KLHDC4: variants seen among roughly 807,000 people sequenced by gnomAD.
KLHDC4 encodes the protein kelch domain containing 4, also known as kelch domain-containing protein 4.
KLHDC4 carries 90 observed loss-of-function variants against 62.4 expected under a neutral mutation model. That is an observed-to-expected ratio of 1.44 (90% CI 1.22 to 1.72). The LOEUF (loss-of-function observed/expected upper bound fraction) is 1.72, where lower values mean the gene tolerates loss of function less well. KLHDC4 is among the 40% of genes most tolerant of loss of function. The pLI, the probability that KLHDC4 is intolerant of heterozygous loss-of-function variation, is 0.00. For synonymous variants in KLHDC4, 386 were observed against 284.4 expected, an observed-to-expected ratio of 1.36 and a Z score of -3.59; for missense variants, 1,025 against 699.7, an observed-to-expected ratio of 1.47 and a Z score of -5.25.
intron 5 of KLHDC4, among the ~76,000 whole-genome samples, chr16:87,740,230 G>A (rs2143013467): frequency 6.6e-6 from 1 of 152,330 alleles, no homozygotes; most frequent in Admixed American, 6.5e-5. Flanking sequence ...TCAGCCGGCA[G>A]GGCAGGCCCA....
At position 87,742,412 on chromosome 16, in the gene KLHDC4, G is replaced by T. The variant is rs188304938; in HGVS notation, c.506+6261C>A. ...AAACCTACACTACTTTCATTATTAA[G>T]GATCTAAGAGGTATTTTACATGAAT... On this transcript the variant is annotated intron_variant, in intron 5 of 11. Transcript: ENST00000270583. Among the ~76,000 whole-genome samples, 516 of 152,238 alleles carry T rather than the reference G, an allele frequency of 3.4e-3. 10 individuals are homozygous for T. Among genetic ancestry groups the T allele is most frequent in the Non-Finnish European group, 8.5e-4 (58 of 68,012 alleles).
chr16:87,713,621 C>T (rs1374319096), intron 8 of KLHDC4, among the ~76,000 whole-genome samples: 1 of 152,100 alleles, frequency 6.6e-6, no homozygotes, highest in Admixed American at 6.5e-5. Flanking sequence ...TCTGTGAGAA[C>T]TGACGGGCAG....
intron 4 of KLHDC4, among the ~76,000 whole-genome samples, chr16:87,753,970 C>CAAAA (rs71230728): frequency 1.6e-5 from 1 of 63,274 alleles, no homozygotes; most frequent in Non-Finnish European, 3.3e-5. Context: ...GACACCATCT[C>CAAAA]AAAAAAAAAA....
Position 87,714,522 on chromosome 16 carries a change from G to C in KLHDC4, c.811C>G (p.Leu271Val), listed in dbSNP as rs200501297. ...CCTTCTCTTCCGTCCTCTGGCTTCA[G>C]CAGGAACATGTCTGAGTGCCGTGTG... The part of the protein sequence containing the change: ...KGTRHSDMFL[L>V]KPEDGREDKW... Residue 271 changes from leucine to valine, a missense_variant, in exon 8 of 12, where the codon CTG (leucine) becomes GTG (valine). Transcript: ENST00000270583. The C allele has an allele frequency of 6.2e-7, 1 of 1,614,182 alleles. No individual in the cohort carries two copies.
chr16:87,706,383 G>T (rs538645187), downstream of KLHDC4, among the ~76,000 whole-genome samples: 2 of 125,548 alleles, frequency 1.6e-5, no homozygotes, highest in East Asian at 5.3e-4. Context: ...GGGGGTCGGC[G>T]TGGGGGGGTT....
chr16:87,733,299 G>C (rs1052249204), intron 5 of KLHDC4, among the ~76,000 whole-genome samples: 1 of 152,252 alleles, frequency 6.6e-6, no homozygotes, highest in African/African-American at 2.4e-5. Context: ...CACAACCAGA[G>C]AGAGGAGCAA....
At chr16:87,725,896 T>C (rs1381547887) in intron 7 of KLHDC4, among the ~76,000 whole-genome samples, 2 of 151,946 alleles carry the variant, frequency 1.3e-5, no homozygotes, top group African/African-American at 4.8e-5. Flanking sequence ...GCGAGGAGAA[T>C]TTCATTCCAC....
intron 7 of KLHDC4, among the ~76,000 whole-genome samples, chr16:87,717,294 T>C (rs1350444773): frequency 1.3e-5 from 2 of 152,278 alleles, no homozygotes; most frequent in African/African-American, 2.4e-5. Context: ...CCGGGTAGTA[T>C]TGTTTCTAGG....
intron 5 of KLHDC4, among the ~76,000 whole-genome samples, chr16:87,738,030 C>G (rs879794671): frequency 3.3e-5 from 5 of 152,178 alleles, no homozygotes; most frequent in Non-Finnish European, 7.4e-5. Flanking sequence ...TGAGCTACTG[C>G]TGTTTGCTGT....
At chr16:87,750,711 A>G (rs1048316745) in intron 4 of KLHDC4, among the ~76,000 whole-genome samples, 3 of 152,160 alleles carry the variant, frequency 2.0e-5, no homozygotes, top group African/African-American at 7.2e-5. Context: ...GCCCGCCCGC[A>G]CATAGAAACG....
At chr16:87,729,635 C>G (rs761878029) in intron 6 of KLHDC4, among the ~76,000 whole-genome samples, 9 of 152,400 alleles carry the variant, frequency 5.9e-5, no homozygotes, top group Non-Finnish European at 1.0e-4. Flanking sequence ...AGAGAGCCCG[C>G]AGCTCACCCT....
At chr16:87,748,495 C>G (rs1209031945) in intron 5 of KLHDC4, among the ~76,000 whole-genome samples, 178 bp downstream of exon 5, 1 of 152,128 alleles carries the variant, frequency 6.6e-6, no homozygotes, top group Non-Finnish European at 1.5e-5. Flanking sequence ...GCCCAGGCTT[C>G]TGTATGAAGG....
chr16:87,715,650 T>C (rs1016579839), intron 7 of KLHDC4, among the ~76,000 whole-genome samples: 4 of 152,142 alleles, frequency 2.6e-5, no homozygotes, highest in African/African-American at 9.7e-5. Context: ...TCTTTCTCAT[T>C]AGACTGGGGT....
intron 7 of KLHDC4, among the ~76,000 whole-genome samples, chr16:87,715,805 C>G (rs2036849188): frequency 6.6e-6 from 1 of 152,216 alleles, no homozygotes; most frequent in African/African-American, 2.4e-5. Context: ...CTCTTCAGCT[C>G]TATGTTCTCA....
chr16:87,764,270 T>G (rs1467123405), intron 1 of KLHDC4, among the ~76,000 whole-genome samples: 1 of 152,186 alleles, frequency 6.6e-6, no homozygotes, highest in East Asian at 1.9e-4. Flanking sequence ...ACCCCAGGCC[T>G]GACAGGCTCT....
intron 1 of KLHDC4, among the ~76,000 whole-genome samples, chr16:87,763,777 C>T (rs932158338): frequency 1.3e-5 from 2 of 152,184 alleles, no homozygotes; most frequent in Non-Finnish European, 2.9e-5. Flanking sequence ...TGAACCTCAT[C>T]ATCATTGGGT....
chr16:87,756,385 A>C lies in KLHDC4; in HGVS notation c.270+14T>G. On this transcript the variant is annotated intron_variant, in intron 3 of 11. Transcript: ENST00000270583. ...ACGCAACATGGGAAGAAAAGAAAAA[A>C]ATATATACTTTACTTTTTGGCCGTT... 1.3e-6 allele frequency: 2 copies of C among 1,589,118 alleles called. No homozygotes were observed. The highest frequency in any genetic ancestry group is 1.7e-6 in the Non-Finnish European group (2 of 1,157,688).
rs973789041 is a variant in KLHDC4, at chr16:87,759,880, C to T, written c.191+2069G>A. On this transcript the variant is annotated intron_variant, in intron 2 of 11. Transcript: ENST00000270583. ...ACGGGGCCCAAACTGAGGTCCCCAC[C>T]CAGCCACCAGCGGCACCAGCCCAGG... Among the ~76,000 whole-genome samples, 5 of 152,152 alleles carry T rather than the reference C, an allele frequency of 3.3e-5. No individual in the cohort carries two copies. In the East Asian group the frequency reaches 7.7e-4, roughly 23 times the overall value.
At chr16:87,714,166 T>G (rs529705477) in intron 8 of KLHDC4, among the ~76,000 whole-genome samples, 2 of 152,232 alleles carry the variant, frequency 1.3e-5, no homozygotes, top group South Asian at 2.1e-4. Flanking sequence ...GGTTCTCCCT[T>G]CGAGAGCTCA....
Sources: gnomAD v4.1 joint callset for allele counts (sites outside exome capture counted in the v4.1 genomes callset) on GRCh38, gnomAD v4.1.1 for gene constraint, MANE v1.5 for transcripts, NCBI Gene and HGNC (gene_info 2026-07-23, HGNC 2026-07-21) for gene names.